USP25: variants seen among roughly 807,000 people sequenced by gnomAD.
USP25 encodes ubiquitin specific peptidase 25, also known as ubiquitin carboxyl-terminal hydrolase 25.
USP25 carries 85 observed loss-of-function variants against 158.5 expected under a neutral mutation model. The observed-to-expected ratio is 0.54, with a 90% CI of 0.45 to 0.64. The LOEUF (loss-of-function observed/expected upper bound fraction) is 0.64. USP25 is among the 30% of genes least tolerant of loss of function. The pLI is 0.00. For synonymous variants in USP25, 464 were observed against 460.4 expected, an observed-to-expected ratio of 1.01 and a Z score of -0.10; for missense variants, 1,242 against 1,327.3, an observed-to-expected ratio of 0.94 and a Z score of 1.00.
chr21:15,827,759 CGTGTGCGTGT>C lies in USP25; in HGVS notation c.1693+562_1693+571del, dbSNP rs1342878520. ...TGGGTGGGGTGTGTGCACTTGTGTG[CGTGTGCGTGT>C]GTGTGTGTGTGTGTGTGTGTGTGTG... On this transcript the variant is annotated intron_variant, in intron 14 of 25. Transcript: ENST00000400183. 3.0e-4 allele frequency among the ~76,000 whole-genome samples: 31 copies of C among 102,698 alleles called. 2 individuals carry two copies. Among genetic ancestry groups the C allele is most frequent in the Middle Eastern group, 4.4e-3 (1 of 226 alleles). 67.4% of individuals were successfully genotyped at this position (102,698 alleles called of 152,430 possible). A position where few individuals can be genotyped will look rare whatever the true frequency, so the allele number is the denominator to read the frequency against.
intron 6 of USP25, among the ~76,000 whole-genome samples, chr21:15,800,321 G>A: frequency 6.6e-6 from 1 of 151,002 alleles, no homozygotes; most frequent in East Asian, 1.9e-4. Flanking sequence ...CACACACCAG[G>A]GCCAGATTGC....
Position 15,830,594 on chromosome 21 carries a change from T to G in USP25, c.1757T>G (p.Met586Arg). The change falls in exon 15 of 26, where the codon ATG becomes AGG. Residue 586 changes from methionine (M) to arginine (R), a missense_variant. By Grantham distance (91) the Met-to-Arg change is moderately conservative (BLOSUM62 -1). Around this residue, in one of 3 missense-constraint regions of USP25, gnomAD observed 627 missense variants for 701.4 expected, o/e 0.89. Coordinates refer to ENST00000400183, the MANE Select transcript of USP25 (RefSeq NM_001283041.3). ...TIELMYSDKS[M>R]IQVPYRLHAV... is the part of the protein sequence containing the mutation. ...GAATTAATGTACTCTGACAAATCTA[T>G]GATACAAGTAAGTGAAATTTTGAGC... 6.3e-7 allele frequency: 1 copy of G among 1,594,988 alleles called. No individual in the cohort carries two copies. Among genetic ancestry groups the G allele is most frequent in the Non-Finnish European group, 8.5e-7 (1 of 1,171,294 alleles).
At chr21:15,825,452 G>A (rs1022795348) in intron 12 of USP25, among the ~76,000 whole-genome samples, 1 of 152,120 alleles carries the variant, frequency 6.6e-6, no homozygotes, top group Admixed American at 6.6e-5. Context: ...CAGCAGCTTC[G>A]TAAAGGAGGA....
At chr21:15,783,795 A>G (rs1249098797) in intron 4 of USP25, among the ~76,000 whole-genome samples, 1 of 104,630 alleles carries the variant, frequency 9.6e-6, no homozygotes, top group East Asian at 2.6e-4. Context: ...GTCTGTACTA[A>G]AAAAAAAAAA....
intron 1 of USP25, among the ~76,000 whole-genome samples, chr21:15,759,689 GATA>G (rs1461617713): frequency 6.6e-6 from 1 of 152,114 alleles, no homozygotes. Context: ...AGAGTAGACT[GATA>G]ATGTTTCTTA....
rs374306435 is a variant in USP25 at position 15,811,140 on chromosome 21, T to C, written c.861T>C (p.Asp287=). 5.6e-6 allele frequency: 9 copies of C among 1,610,524 alleles called. No homozygotes were observed. Among genetic ancestry groups the C allele is most frequent in the Non-Finnish European group, 7.6e-6 (9 of 1,178,968 alleles). ...TATATTTTTTAACATACTTTAGGGA[T>C]GAAGAGAAGCCAAAGAACCCCATGG... is the stretch of plus-strand genomic sequence containing the variant. The part of the protein sequence containing the change: ...AFQMKAEEET[D]EEKPKNPMVE... Residue 287 remains aspartate (D), a synonymous_variant, in exon 9 of 26, where the codon GAT becomes GAC. Coordinates refer to ENST00000400183, the MANE Select transcript of USP25 (RefSeq NM_001283041.3).
chr21:15,777,765 T>C, intron 3 of USP25, 139 bp from the exon 4 acceptor site: 2 of 727,928 alleles, frequency 2.7e-6, no homozygotes, highest in Non-Finnish European at 4.0e-6. Context: ...TTGCATTTAT[T>C]TTTAGATAGG....
At chr21:15,876,751 T>C (rs2040113679) in intron 24 of USP25, 1 of 152,176 alleles carries the variant, frequency 6.6e-6, no homozygotes, top group Admixed American at 6.5e-5. Flanking sequence ...ACCATATCAA[T>C]TGGGTAATTG....
intron 20 of USP25, among the ~76,000 whole-genome samples, chr21:15,850,845 T>C (rs760859830): frequency 2.0e-5 from 3 of 152,030 alleles, no homozygotes; most frequent in African/African-American, 4.8e-5. Context: ...TCTCCTGATA[T>C]GCCCGGGACT....
intron 22 of USP25, among the ~76,000 whole-genome samples, chr21:15,868,431 ATTGTGAC>A (rs145090224): frequency 0.013 from 2,048 of 152,204 alleles, 42 homozygotes; most frequent in African/African-American, 0.044. Context: ...TTGATTTTTA[ATTGTGAC>A]TTGATTCTGC....
intron 7 of USP25, among the ~76,000 whole-genome samples, chr21:15,807,444 G>A (rs1449404468): frequency 1.3e-5 from 2 of 152,204 alleles, no homozygotes. Context: ...CCTAAGGACA[G>A]TCGTAACAAA....
rs2040193498 is a variant in USP25 at position 15,878,673 on chromosome 21, T to G, written c.*198T>G. The G allele has an allele frequency of 6.4e-6, 3 of 472,022 alleles. No homozygotes were observed. The East Asian group carries it at 1.1e-4, about 17-fold the overall frequency. 29.2% of individuals were successfully genotyped at this position (472,022 alleles called of 1,614,324 possible). ...GAAAATCGCATGGCGCTCAGACATT[T>G]TAACCGGAACTGATGTATAATCACA... On this transcript the variant is annotated 3_prime_UTR_variant, in exon 26 of 26. Coordinates refer to ENST00000400183, the MANE Select transcript of USP25 (RefSeq NM_001283041.3).
At chr21:15,844,067 A>C (rs2038464405) in intron 18 of USP25, among the ~76,000 whole-genome samples, 1 of 152,082 alleles carries the variant, frequency 6.6e-6, no homozygotes. Context: ...TGACAGGGAG[A>C]CTATATGATA....
At chr21:15,739,483 T>TTTGTCAGTCTC (rs1173824401) in intron 1 of USP25, among the ~76,000 whole-genome samples, 1 of 152,106 alleles carries the variant, frequency 6.6e-6, no homozygotes, top group Admixed American at 6.5e-5. Context: ...GTGCTGGTAG[T>TTTGTCAGTCTC]TTGTCAGTCT....
In USP25 at chr21:15,766,008, A is replaced by C. The variant is rs1568776476; in HGVS notation, c.135A>C (p.Gly45=). The change falls in exon 3 of 26, where the codon GGA becomes GGC. Residue 45 remains glycine, a synonymous_variant. Transcript: ENST00000400183. This position sits in a 1 kb window ranked among gnomAD's most constrained non-coding sequence, Gnocchi z 4.0. ...ILQQALKDSN[G]NLELAVAFLT... ...CTTGATATTTGAAGGATAGTAATGG[A>C]AACTTGGAATTAGCAGTGGCTTTCC... The C allele has an allele frequency of 6.2e-7, 1 of 1,604,580 alleles. No individual in the cohort carries two copies. The highest frequency in any genetic ancestry group is 1.3e-5 in the African/African-American group (1 of 74,572).
At chr21:15,731,565 G>T (rs2030907444) in intron 1 of USP25, among the ~76,000 whole-genome samples, 1 of 152,154 alleles carries the variant, frequency 6.6e-6, no homozygotes, top group African/African-American at 2.4e-5. Flanking sequence ...ATTATTTTTA[G>T]AATTTTATGA....
chr21:15,798,841 A>C (rs1031732178), intron 5 of USP25, among the ~76,000 whole-genome samples: 7 of 151,246 alleles, frequency 4.6e-5, no homozygotes, highest in African/African-American at 1.4e-4. Context: ...GTTGATCAAA[A>C]CCTTGTTTCC....
chr21:15,790,726 C>A (rs1458876514), intron 4 of USP25, among the ~76,000 whole-genome samples: 1 of 148,564 alleles, frequency 6.7e-6, no homozygotes, highest in Non-Finnish European at 1.5e-5. Context: ...TTGGTTAGAT[C>A]CTATGTGGGA....
chr21:15,754,181 T>C (rs2033223918), intron 1 of USP25, among the ~76,000 whole-genome samples: 1 of 152,178 alleles, frequency 6.6e-6, no homozygotes, highest in Non-Finnish European at 1.5e-5. Context: ...TTGGGTGGCA[T>C]ATTCTAGTCG....
Sources: gnomAD v4.1 joint callset for allele counts (sites outside exome capture counted in the v4.1 genomes callset) on GRCh38, gnomAD v4.1.1 for gene constraint, gnomAD v4.1.1 regional missense constraint, Gnocchi (gnomAD v3.1) non-coding constraint, MANE v1.5 for transcripts, NCBI Gene and HGNC (gene_info 2026-07-23, HGNC 2026-07-21) for gene names.